The following ATOSA variants were observed in gnomAD, a reference collection of about 807,000 sequenced individuals.
The protein encoded by ATOSA is atos homolog A.
At chr15:52,595,057 C>T in the ATOSA span, among the ~76,000 whole-genome samples, 1 of 152,170 alleles carries the variant, frequency 6.6e-6, no homozygotes, top group South Asian at 2.1e-4. Context: ...CATGAAGTTC[C>T]CTTTGTCTAG....
chr15:52,669,432 TCTTA>T, the ATOSA span, among the ~76,000 whole-genome samples: 8 of 152,314 alleles, frequency 5.3e-5, no homozygotes, highest in South Asian at 4.1e-4. Flanking sequence ...TTATACATTC[TCTTA>T]CTGTTATAAA....
At chr15:52,645,423 G>A in the ATOSA span, among the ~76,000 whole-genome samples, 14 of 150,888 alleles carry the variant, frequency 9.3e-5, no homozygotes, top group Middle Eastern at 3.2e-3. Flanking sequence ...CAGCCTGGGC[G>A]ACAAAGCAAG....
chr15:52,635,528 TAC>T, the ATOSA span, among the ~76,000 whole-genome samples: 7 of 151,272 alleles, frequency 4.6e-5, no homozygotes, highest in Non-Finnish European at 7.4e-5. Context: ...TCCCTGCCTC[TAC>T]ACACACACAC....
chr15:52,654,609 A>G, the ATOSA span, among the ~76,000 whole-genome samples: 1 of 152,154 alleles, frequency 6.6e-6, no homozygotes, highest in Non-Finnish European at 1.5e-5. Context: ...GTCGTTAAGT[A>G]TGTTCTCTAA....
chr15:52,662,036 T>C, the ATOSA span, among the ~76,000 whole-genome samples: 4 of 150,414 alleles, frequency 2.7e-5, no homozygotes, highest in African/African-American at 9.8e-5. Flanking sequence ...TCTTAACAGA[T>C]GAGGCAACTG....
the ATOSA span, among the ~76,000 whole-genome samples, chr15:52,677,554 A>G: frequency 6.6e-6 from 1 of 152,260 alleles, no homozygotes; most frequent in Non-Finnish European, 1.5e-5. Context: ...TTAAAGCACA[A>G]AAATCAACTA....
At chr15:52,702,457 G>C in the ATOSA span, among the ~76,000 whole-genome samples, 4 of 152,114 alleles carry the variant, frequency 2.6e-5, no homozygotes, top group Admixed American at 2.6e-4. Flanking sequence ...GTCCTTTGCA[G>C]CAACATGGAT....
At chr15:52,657,060 C>A in the ATOSA span, 1 of 152,110 alleles carries the variant, frequency 6.6e-6, no homozygotes, top group Non-Finnish European at 1.5e-5. Flanking sequence ...CCTTTGACAA[C>A]TGCAACTTTG....
the ATOSA span, among the ~76,000 whole-genome samples, chr15:52,646,330 G>A: frequency 6.6e-6 from 1 of 152,326 alleles, no homozygotes; most frequent in East Asian, 1.9e-4. Flanking sequence ...GACATTCATA[G>A]CAGTGGACCT....
At chr15:52,586,113 C>A in the ATOSA span, 1 of 152,346 alleles carries the variant, frequency 6.6e-6, no homozygotes, top group Non-Finnish European at 1.5e-5. Flanking sequence ...TAGCTTTCCA[C>A]TGACCCACAC....
chr15:52,606,204 T>C, the ATOSA span, among the ~76,000 whole-genome samples: 3 of 151,992 alleles, frequency 2.0e-5, no homozygotes. Flanking sequence ...ATGATATAAT[T>C]TGGTGGAACA....
At chr15:52,672,241 C>A in the ATOSA span, among the ~76,000 whole-genome samples, 7 of 150,344 alleles carry the variant, frequency 4.7e-5, no homozygotes, top group Non-Finnish European at 7.4e-5. Flanking sequence ...CCCAGCTACT[C>A]TGGAAGCTTA....
the ATOSA span, among the ~76,000 whole-genome samples, chr15:52,688,469 G>T: frequency 1.3e-5 from 2 of 151,776 alleles, no homozygotes; most frequent in Non-Finnish European, 2.9e-5. Flanking sequence ...AGGGAAAGAG[G>T]TCAATCATCC....
the ATOSA span, among the ~76,000 whole-genome samples, chr15:52,627,975 A>G: frequency 6.6e-6 from 1 of 152,164 alleles, no homozygotes; most frequent in Non-Finnish European, 1.5e-5. Context: ...GCCAAAGGAA[A>G]AGCTTTGGCT....
chr15:52,589,053 A>G, the ATOSA span, among the ~76,000 whole-genome samples: 4 of 152,258 alleles, frequency 2.6e-5, no homozygotes, highest in African/African-American at 9.6e-5. Flanking sequence ...AACACTTGAC[A>G]TCAGATTATT....
At chr15:52,671,654 C>T in the ATOSA span, among the ~76,000 whole-genome samples, 2 of 152,000 alleles carry the variant, frequency 1.3e-5, no homozygotes, top group Admixed American at 1.3e-4. Flanking sequence ...TAACAAGGGA[C>T]ATCTCATTTA....
the ATOSA span, among the ~76,000 whole-genome samples, chr15:52,598,321 T>C: frequency 6.6e-6 from 1 of 152,364 alleles, no homozygotes; most frequent in South Asian, 2.1e-4. Flanking sequence ...AAGCTTGCTC[T>C]AAATGGTGGC....
At chr15:52,599,301 C>G in the ATOSA span, among the ~76,000 whole-genome samples, 35 of 152,198 alleles carry the variant, frequency 2.3e-4, no homozygotes, top group South Asian at 6.2e-4. Context: ...AATTTGATGA[C>G]AAAGAGGAAT....
chr15:52,603,651 G>A, the ATOSA span, among the ~76,000 whole-genome samples: 1 of 152,172 alleles, frequency 6.6e-6, no homozygotes, highest in Admixed American at 6.5e-5. Flanking sequence ...TCAGCCATAA[G>A]AGGAATGAAA....
Sources: gnomAD v4.1 joint callset for allele counts (sites outside exome capture counted in the v4.1 genomes callset) on GRCh38, gnomAD v4.1.1 for gene constraint, MANE v1.5 for transcripts, NCBI Gene and HGNC (gene_info 2026-07-23, HGNC 2026-07-21) for gene names.